The following PPP1R1C variants were observed in gnomAD, a reference collection of about 807,000 sequenced individuals.
PPP1R1C encodes protein phosphatase 1 regulatory subunit 1C.
Under a neutral mutation model 17.4 loss-of-function variants are expected in PPP1R1C, and 15 were observed. The observed-to-expected ratio is 0.86, with a 90% CI of 0.58 to 1.33. The LOEUF (loss-of-function observed/expected upper bound fraction) is 1.33. PPP1R1C is among the 40% of genes most tolerant of loss of function. The pLI, the probability that PPP1R1C is intolerant of heterozygous loss-of-function variation, is 0.00. For synonymous variants in PPP1R1C, 35 were observed against 43.1 expected (o/e 0.81, Z 0.73); for missense variants, 143 against 130.0 (o/e 1.10, Z -0.48).
At position 181,986,161 on chromosome 2, in the gene PPP1R1C, G is replaced by C. The variant is rs1030753478; in HGVS notation, c.51G>C (p.Gln17His). The part of the protein sequence containing the change: ...KKIQFAVPVF[Q>H]SQIAPEAAEQ... ...TACAGTTTGCCGTGCCTGTATTCCA[G>C]AGTCAGATTGCACCTGAAGCAGCAG... Residue 17 changes from glutamine (Q) to histidine (H), a missense_variant, in exon 1 of 5, where the codon CAG (glutamine) becomes CAC (histidine). Gln to His is a conservative substitution (Grantham distance 24). Transcript: ENST00000682840. The C allele has an allele frequency of 6.2e-7, 1 of 1,613,652 alleles. No homozygotes were observed. The highest frequency in any genetic ancestry group is 1.3e-5 in the African/African-American group (1 of 74,908).
intron 2 of PPP1R1C, among the ~76,000 whole-genome samples, chr2:182,015,449 A>T (rs1686234957): frequency 6.6e-6 from 1 of 152,082 alleles, no homozygotes; most frequent in Non-Finnish European, 1.5e-5. Flanking sequence ...CTTTATCAGC[A>T]GTGTGCAAAT....
chr2:182,121,604 C>A (rs568266972), downstream of PPP1R1C, among the ~76,000 whole-genome samples: 1 of 152,274 alleles, frequency 6.6e-6, no homozygotes, highest in East Asian at 1.9e-4. Flanking sequence ...TCCCCTGCCT[C>A]AGCCTCCCAA....
At chr2:182,126,647 A>T (rs4666812) in intron 5 of PPP1R1C, among the ~76,000 whole-genome samples, 57,898 of 151,836 alleles carry the variant, frequency 0.38, 11,722 homozygotes, top group Non-Finnish European at 0.45. Flanking sequence ...TGAAATAATC[A>T]ACATGAATGA....
At chr2:182,087,692 G>A (rs1026963186) in intron 4 of PPP1R1C, among the ~76,000 whole-genome samples, 7 of 152,082 alleles carry the variant, frequency 4.6e-5, no homozygotes, top group African/African-American at 1.7e-4. Context: ...TGTCTGTTTT[G>A]GTCATTAATG....
At chr2:181,969,951 T>C (rs1684973091) in intron 1 of PPP1R1C, among the ~76,000 whole-genome samples, 1 of 152,252 alleles carries the variant, frequency 6.6e-6, no homozygotes, top group Non-Finnish European at 1.5e-5. Context: ...TGTTTGATTC[T>C]GTTTAATTAT....
At chr2:182,123,656 G>A (rs1327794741) in intron 5 of PPP1R1C, among the ~76,000 whole-genome samples, 1 of 152,152 alleles carries the variant, frequency 6.6e-6, no homozygotes, top group Non-Finnish European at 1.5e-5. Flanking sequence ...GTCTTCTTTT[G>A]AAAAGTGTCT....
chr2:182,031,546 T>C (rs1031190655), intron 2 of PPP1R1C, among the ~76,000 whole-genome samples: 1 of 152,248 alleles, frequency 6.6e-6, no homozygotes, highest in African/African-American at 2.4e-5. Context: ...CAAACACATT[T>C]TTTAAAAGAA....
chr2:182,014,021 T>G (rs1483538338), intron 2 of PPP1R1C, among the ~76,000 whole-genome samples: 1 of 152,250 alleles, frequency 6.6e-6, no homozygotes, highest in Non-Finnish European at 1.5e-5. Flanking sequence ...TCTCTGTCAC[T>G]CCTGGTTGGT....
Position 181,961,736 on chromosome 2 carries a change from T to C in PPP1R1C, n.111+7102T>C, listed in dbSNP as rs756253912. The C allele has an allele frequency of 8.3e-5, 79 of 947,198 alleles. No homozygotes were observed. The highest frequency in any genetic ancestry group is 1.3e-4 in the Non-Finnish European group (74 of 586,710). 58.7% of individuals were successfully genotyped at this position (947,198 alleles called of 1,614,324 possible). A position where few individuals can be genotyped will look rare whatever the true frequency, so the allele number is the denominator to read the frequency against. ...TCATATTGGGCCCGGATATCTGCTA[T>C]GATCTTGGCAAGGTCCTGAGATTTG... On this transcript the variant is annotated intron_variant and non_coding_transcript_variant, in intron 1 of 5. Coordinates refer to the PPP1R1C transcript ENST00000464264. The surrounding 1 kb of genome is among the most constrained non-coding windows in gnomAD (Gnocchi z 5.8).
intron 4 of PPP1R1C, among the ~76,000 whole-genome samples, chr2:182,076,020 A>T (rs1196767641): frequency 2.0e-5 from 3 of 152,006 alleles, no homozygotes; most frequent in African/African-American, 4.8e-5. Flanking sequence ...GTATATGCTT[A>T]TAATGTATTA....
chr2:182,071,162 T>A (rs1688128977), intron 4 of PPP1R1C, among the ~76,000 whole-genome samples: 1 of 152,208 alleles, frequency 6.6e-6, no homozygotes, highest in Non-Finnish European at 1.5e-5. Context: ...ATTTAGTTTT[T>A]TTCCTAATGT....
downstream of PPP1R1C, among the ~76,000 whole-genome samples, chr2:182,122,735 GA>G (rs1390627640): frequency 6.6e-6 from 1 of 152,054 alleles, no homozygotes; most frequent in Admixed American, 6.6e-5. Context: ...AGAAAAAAAA[GA>G]AAAAATATTG....
At chr2:181,981,038 C>T (rs1488097179), upstream of PPP1R1C, among the ~76,000 whole-genome samples, 2 of 150,024 alleles carry the variant, frequency 1.3e-5, no homozygotes, top group Non-Finnish European at 3.0e-5. Context: ...ACGCCATTCT[C>T]CTGCCTCAGC....
At chr2:181,977,969 C>T (rs1685123515) in intron 2 of PPP1R1C, among the ~76,000 whole-genome samples, 2 of 152,152 alleles carry the variant, frequency 1.3e-5, no homozygotes, top group Non-Finnish European at 2.9e-5. Context: ...TAATAAAGAC[C>T]TACCTGAGAC....
intron 4 of PPP1R1C, among the ~76,000 whole-genome samples, chr2:182,090,318 A>AGTGTGTGTGTGTGT (rs1559088788): frequency 3.1e-4 from 32 of 104,498 alleles, no homozygotes; most frequent in African/African-American, 1.4e-3. Context: ...TGTGTGTGTC[A>AGTGTGTGTGTGTGT]GAGAGAGACA....
At chr2:182,056,924 T>C (rs1687700126) in intron 2 of PPP1R1C, among the ~76,000 whole-genome samples, 1 of 152,202 alleles carries the variant, frequency 6.6e-6, no homozygotes, top group Admixed American at 6.6e-5. Flanking sequence ...TTTGAGTGTC[T>C]GTAGCATTTG....
intron 4 of PPP1R1C, 38 bp from the exon 5 acceptor site, chr2:182,117,168 GA>G (rs1311704314): frequency 1.6e-5 from 22 of 1,368,768 alleles, no homozygotes; most frequent in Admixed American, 8.6e-5. Context: ...TTCCAGAAAT[GA>G]AAATCATTTA....
Position 182,101,047 on chromosome 2 carries a change from C to G in PPP1R1C, c.242-16160C>G, listed in dbSNP as rs1298420847. 1.3e-5 allele frequency among the ~76,000 whole-genome samples: 2 copies of G among 152,186 alleles called. 1 individual carries two copies. The highest frequency in any genetic ancestry group is 6.3e-3 in the Middle Eastern group (2 of 316). Reference sequence around the variant, plus strand: ...GGAGAGCACTGCTGAAAGAACTAAACAGTAGATCGCCATCATAAAGAACAA... The same window carrying G: ...GGAGAGCACTGCTGAAAGAACTAAAGAGTAGATCGCCATCATAAAGAACAA... On this transcript the variant is annotated intron_variant, in intron 4 of 4. Transcript: ENST00000682840.
chr2:182,103,674 G>T (rs1470581866), intron 4 of PPP1R1C: 1 of 152,186 alleles, frequency 6.6e-6, no homozygotes, highest in Non-Finnish European at 1.5e-5. Context: ...CAGGGTCAGA[G>T]CAAAACAGTT....
Sources: gnomAD v4.1 joint callset for allele counts (sites outside exome capture counted in the v4.1 genomes callset) on GRCh38, gnomAD v4.1.1 for gene constraint, Gnocchi (gnomAD v3.1) non-coding constraint, MANE v1.5 for transcripts, NCBI Gene and HGNC (gene_info 2026-07-23, HGNC 2026-07-21) for gene names.